EEF2K: variants seen among roughly 807,000 people sequenced by gnomAD.
EEF2K encodes alternative protein EEF2K.
EEF2K carries 70 observed loss-of-function variants against 93.8 expected under a neutral mutation model. That is an observed-to-expected ratio of 0.75 (90% CI 0.62 to 0.91). The LOEUF (loss-of-function observed/expected upper bound fraction) is 0.91, where lower values mean the gene tolerates loss of function less well. Ranked by LOEUF, EEF2K falls within the 40% of genes least tolerant of loss-of-function variation. The probability of loss-of-function intolerance (pLI) is 0.00; values close to 1 mark genes in which losing one functional copy is unlikely to be tolerated. For synonymous variants in EEF2K, 376 were observed against 380.8 expected, an observed-to-expected ratio of 0.99 and a Z score of 0.15; for missense variants, 935 against 972.9, an observed-to-expected ratio of 0.96 and a Z score of 0.52.
chr16:22,254,081 A>G (rs2047376656), intron 6 of EEF2K, among the ~76,000 whole-genome samples: 1 of 152,102 alleles, frequency 6.6e-6, no homozygotes, highest in African/African-American at 2.4e-5. Context: ...CCTGGGTGAC[A>G]GAGCAAGACT....
chr16:22,278,586 C>T (rs907735131), intron 16 of EEF2K, among the ~76,000 whole-genome samples: 5 of 152,144 alleles, frequency 3.3e-5, no homozygotes, highest in African/African-American at 1.2e-4. Context: ...GCCTGTCAGA[C>T]AGGGCCGCAG....
rs561866549 is a variant in EEF2K at position 22,242,520 on chromosome 16, C to T, written c.247-2110C>T. On this transcript the variant is annotated intron_variant, in intron 2 of 17. Transcript: ENST00000263026. ...AGAGACGGGGTTTCACCACGTTGGC[C>T]AGGCTGGTCTCGAGCTCCTGACCTT... is the stretch of plus-strand genomic sequence containing the variant. Among the ~76,000 whole-genome samples, 14 of 151,794 alleles carry T rather than the reference C, an allele frequency of 9.2e-5. No individual in the cohort carries two copies. In the South Asian group the frequency reaches 2.9e-3, roughly 32 times the overall value.
chr16:22,244,691 A>G lies in EEF2K; in HGVS notation c.308A>G (p.His103Arg). 6.2e-7 allele frequency: 1 copy of G among 1,613,904 alleles called. No individual in the cohort carries two copies. The highest frequency in any genetic ancestry group is 2.2e-5 in the East Asian group (1 of 44,858). ...KHMPDPWAEF[H>R]LEDIATERAT... ...ATGCCCGACCCCTGGGCTGAGTTCCACCTGGAAGATATTGCCACCGAACGT... is the reference window on the plus strand; with the variant it reads ...ATGCCCGACCCCTGGGCTGAGTTCCGCCTGGAAGATATTGCCACCGAACGT... Residue 103 changes from histidine (H) to arginine (R), a missense_variant, in exon 3 of 18, where the codon CAC becomes CGC. Physicochemically the swap from His to Arg is conservative, Grantham distance 29. Transcript: ENST00000263026.
At chr16:22,276,890 C>T (rs1020767330) in intron 16 of EEF2K, among the ~76,000 whole-genome samples, 3 of 152,002 alleles carry the variant, frequency 2.0e-5, no homozygotes, top group Non-Finnish European at 2.9e-5. Context: ...AACCCCATCT[C>T]TACTAAAAAT....
intron 3 of EEF2K, among the ~76,000 whole-genome samples, chr16:22,247,292 A>G (rs1327158556): frequency 6.6e-6 from 1 of 151,776 alleles, no homozygotes. Flanking sequence ...ATACAAAAAA[A>G]AAAATTAGCT....
rs373972090 is a variant in EEF2K, at chr16:22,280,248, T to C, written c.1940T>C (p.Met647Thr). Residue 647 changes from methionine (M) to threonine (T), a missense_variant, in exon 17 of 18, where the codon ATG becomes ACG. By Grantham distance (81) the Met-to-Thr change is moderately conservative. Transcript: ENST00000263026. Reference protein sequence around the residue: ...ALHWYNTALEMTDCDEGGEYD... With the variant: ...ALHWYNTALETTDCDEGGEYD... ...CACTGGTACAACACTGCCCTGGAGATGACGGACTGTGATGAGGGCGGTGAG... is the reference window on the plus strand; with the variant it reads ...CACTGGTACAACACTGCCCTGGAGACGACGGACTGTGATGAGGGCGGTGAG... The C allele has an allele frequency of 1.0e-5, 16 of 1,602,092 alleles. No homozygotes were observed. Among genetic ancestry groups the C allele is most frequent in the Non-Finnish European group, 1.3e-5 (15 of 1,174,512 alleles).
chr16:22,219,820 G>A (rs1036579116), intron 1 of EEF2K, among the ~76,000 whole-genome samples: 4 of 152,158 alleles, frequency 2.6e-5, no homozygotes, highest in Non-Finnish European at 5.9e-5. Flanking sequence ...AAGAGACCCA[G>A]GTTCTGTTTG....
intron 1 of EEF2K, among the ~76,000 whole-genome samples, chr16:22,222,284 T>G (rs2047021291): frequency 6.6e-6 from 1 of 151,750 alleles, no homozygotes; most frequent in African/African-American, 2.4e-5. Context: ...GCCTCTGGGC[T>G]CACTTGAACC....
chr16:22,283,308 CAAAAAAAA>C (rs10540234), intron 17 of EEF2K, among the ~76,000 whole-genome samples: 2 of 75,856 alleles, frequency 2.6e-5, no homozygotes, highest in South Asian at 7.5e-4. Flanking sequence ...GACTCCATCT[CAAAAAAAA>C]AAAAAAAAAA....
chr16:22,281,542 T>C (rs1412237884), intron 17 of EEF2K, among the ~76,000 whole-genome samples: 1 of 152,222 alleles, frequency 6.6e-6, no homozygotes, highest in Admixed American at 6.5e-5. Context: ...CACCTGGTCC[T>C]AGTGGGTTTT....
chr16:22,256,100 T>C (rs2047396119), intron 6 of EEF2K, among the ~76,000 whole-genome samples: 1 of 151,760 alleles, frequency 6.6e-6, no homozygotes, highest in Non-Finnish European at 1.5e-5. Context: ...TTTTATTTTA[T>C]TAATTTTTTT....
rs752037525 is a variant in EEF2K at position 22,256,894 on chromosome 16, G to A, written c.765G>A (p.Pro255=). Residue 255 remains proline, a synonymous_variant, in exon 7 of 18, where the codon CCG becomes CCA. Transcript: ENST00000263026. ...GCGATGACAACATCCGCCTGACGCC[G>A]CAGGTGAGGCCGAGCTCACCTCCAC... ...FVRDDNIRLT[P]QAFSHFTFER... 2.2e-5 allele frequency: 36 copies of A among 1,613,662 alleles called. No individual in the cohort carries two copies. The highest frequency in any genetic ancestry group is 5.5e-5 in the South Asian group (5 of 91,058).
At chr16:22,282,481 G>A (rs187825522) in intron 17 of EEF2K, among the ~76,000 whole-genome samples, 148 of 152,302 alleles carry the variant, frequency 9.7e-4, no homozygotes, top group African/African-American at 3.3e-3. Flanking sequence ...TCCCCTCCAA[G>A]TCTCATGTTG....
intron 1 of EEF2K, among the ~76,000 whole-genome samples, chr16:22,216,397 TTTC>T (rs2046958107): frequency 6.6e-6 from 1 of 152,214 alleles, no homozygotes; most frequent in African/African-American, 2.4e-5. Context: ...ATTATTTGTC[TTTC>T]TTATTTCCAT....
intron 5 of EEF2K, 45 bp downstream of exon 5, chr16:22,250,736 C>G: frequency 6.2e-7 from 1 of 1,613,142 alleles, no homozygotes; most frequent in Non-Finnish European, 8.5e-7. Flanking sequence ...CAGAGTCCCC[C>G]CAGGCTCCTA....
At chr16:22,251,845 G>T (rs1258497071) in intron 6 of EEF2K, among the ~76,000 whole-genome samples, 1 of 152,064 alleles carries the variant, frequency 6.6e-6, no homozygotes, top group African/African-American at 2.4e-5. Context: ...CCAGGCCAGA[G>T]TGCAGTGGCA....
intron 6 of EEF2K, among the ~76,000 whole-genome samples, chr16:22,254,916 C>A (rs1486012280): frequency 1.3e-5 from 2 of 152,016 alleles, no homozygotes; most frequent in African/African-American, 4.8e-5. Context: ...ACTAAAAATA[C>A]AAAAATTAGG....
At chr16:22,232,005 A>C (rs1440676863) in intron 2 of EEF2K, among the ~76,000 whole-genome samples, 18 of 150,078 alleles carry the variant, frequency 1.2e-4, no homozygotes, top group African/African-American at 4.2e-4. Flanking sequence ...AAACAAAAAA[A>C]AAAAAAAAAA....
Position 22,266,419 on chromosome 16 carries a change from C to A in EEF2K, c.1470C>A (p.Asn490Lys), listed in dbSNP as rs1182936448. Residue 490 changes from asparagine (N) to lysine (K), a missense_variant, in exon 14 of 18, where the codon AAC becomes AAA. By Grantham distance (94) the Asn-to-Lys change is moderately conservative. Transcript: ENST00000263026. The part of the protein sequence containing the change: ...RVCVEKWNLL[N>K]SSRLHLPRAS... ...GTGTAGAGAAGTGGAATCTCCTCAA[C>A]TCCTCCCGCCTCCACCTGCCGAGGG... The A allele has an allele frequency of 6.2e-7, 1 of 1,614,178 alleles. No individual in the cohort carries two copies. Among genetic ancestry groups the A allele is most frequent in the African/African-American group, 1.3e-5 (1 of 75,046 alleles).
Sources: allele counts gnomAD v4.1 joint callset (sites outside exome capture counted in the v4.1 genomes callset), GRCh38; gene constraint gnomAD v4.1.1; transcripts MANE v1.5; gene names NCBI Gene and HGNC (gene_info 2026-07-23, HGNC 2026-07-21).